CSMD1: variants seen among roughly 807,000 people sequenced by gnomAD.
The protein encoded by CSMD1 is CUB and sushi domain-containing protein 1.
A neutral mutation model predicts 417.5 loss-of-function variants in CSMD1; 213 were observed. The observed-to-expected ratio is 0.51, with a 90% CI of 0.46 to 0.57. The LOEUF (loss-of-function observed/expected upper bound fraction) is 0.57. Among genes scored for constraint, CSMD1 ranks in the 20% least tolerant of loss-of-function variants. The pLI, the probability that CSMD1 is intolerant of heterozygous loss-of-function variation, is 0.00. For missense variants in CSMD1, 6,923 were observed against 4,529.7 expected, an observed-to-expected ratio of 1.53 and a Z score of -15.17; for synonymous variants, 2,862 against 1,736.8, an observed-to-expected ratio of 1.65 and a Z score of -16.11.
chr8:3,413,238 G>A (rs765397403), intron 12 of CSMD1, among the ~76,000 whole-genome samples: 1 of 151,538 alleles, frequency 6.6e-6, no homozygotes, highest in Non-Finnish European at 1.5e-5. Context: ...TTTCTCCTTA[G>A]AGTAAAATAA....
At chr8:4,648,277 A>C (rs1190950325) in intron 1 of CSMD1, among the ~76,000 whole-genome samples, 1 of 151,896 alleles carries the variant, frequency 6.6e-6, no homozygotes, top group Non-Finnish European at 1.5e-5. Context: ...TTTCTTGCTA[A>C]TTTCTTGTAG....
At chr8:3,926,784 C>T (rs1050570184) in intron 5 of CSMD1, among the ~76,000 whole-genome samples, 1 of 136,128 alleles carries the variant, frequency 7.3e-6, no homozygotes, top group Admixed American at 8.1e-5. Flanking sequence ...GTCGTGATCT[C>T]AGCTCACTGC....
At chr8:3,543,903 G>C (rs564235664) in intron 10 of CSMD1, among the ~76,000 whole-genome samples, 215 of 152,266 alleles carry the variant, frequency 1.4e-3, no homozygotes, top group Non-Finnish European at 2.6e-3. Context: ...GGATGTGGAG[G>C]ACCCTGAGAA....
At chr8:3,762,678 CA>C (rs1442067426) in intron 5 of CSMD1, among the ~76,000 whole-genome samples, 1 of 152,148 alleles carries the variant, frequency 6.6e-6, no homozygotes, top group Admixed American at 6.5e-5. Context: ...CACTGGTGCC[CA>C]GAGAAAGAGA....
chr8:2,953,453 CA>C (rs35592012), intron 65 of CSMD1, among the ~76,000 whole-genome samples: 2,240 of 111,672 alleles, frequency 0.02, 40 homozygotes, highest in African/African-American at 0.074. Flanking sequence ...AGCTTATGTC[CA>C]AAAAAAAAAA....
At chr8:3,827,048 T>C (rs971602746) in intron 5 of CSMD1, among the ~76,000 whole-genome samples, 9 of 152,172 alleles carry the variant, frequency 5.9e-5, no homozygotes, top group African/African-American at 2.2e-4. Context: ...TTTTGAAGTG[T>C]TGACATTATA....
intron 5 of CSMD1, among the ~76,000 whole-genome samples, chr8:3,807,846 G>A (rs1246607972): frequency 6.6e-6 from 1 of 152,156 alleles, no homozygotes; most frequent in African/African-American, 2.4e-5. Flanking sequence ...CAAATGGAAT[G>A]ACTGTGCTCC....
At chr8:3,440,941 GATTTT>G (rs1318239522) in intron 12 of CSMD1, among the ~76,000 whole-genome samples, 34 of 152,268 alleles carry the variant, frequency 2.2e-4, no homozygotes, top group Admixed American at 2.0e-3. Context: ...TGGTGACTGT[GATTTT>G]ATTTGGAAAA....
At chr8:3,497,227 A>G (rs1218793006) in intron 10 of CSMD1, among the ~76,000 whole-genome samples, 2 of 152,130 alleles carry the variant, frequency 1.3e-5, no homozygotes, top group African/African-American at 2.4e-5. Context: ...AATCTGTTCC[A>G]TGCTGAGAGT....
intron 1 of CSMD1, among the ~76,000 whole-genome samples, chr8:4,739,532 T>C (rs566089060): frequency 6.6e-6 from 1 of 152,154 alleles, no homozygotes; most frequent in Admixed American, 6.5e-5. Context: ...TGATAATAAC[T>C]TAAAGAAAAT....
intron 10 of CSMD1, among the ~76,000 whole-genome samples, chr8:3,496,288 C>T (rs1006736650): frequency 6.6e-6 from 1 of 152,184 alleles, no homozygotes; most frequent in Admixed American, 6.5e-5. Flanking sequence ...CCCTTCATAA[C>T]ATTCCCTGTG....
intron 5 of CSMD1, among the ~76,000 whole-genome samples, chr8:3,776,147 C>G (rs1220576771): frequency 6.6e-6 from 1 of 152,178 alleles, no homozygotes; most frequent in African/African-American, 2.4e-5. Flanking sequence ...CTCTGCTCAT[C>G]TGCACATCAT....
At chr8:4,289,167 T>C (rs1797222882) in intron 3 of CSMD1, among the ~76,000 whole-genome samples, 1 of 152,188 alleles carries the variant, frequency 6.6e-6, no homozygotes, top group Non-Finnish European at 1.5e-5. Flanking sequence ...AGACAGTGTA[T>C]ATTATATAAC....
intron 49 of CSMD1, among the ~76,000 whole-genome samples, chr8:3,077,057 T>A (rs920054060): frequency 6.6e-6 from 1 of 152,108 alleles, no homozygotes; most frequent in Non-Finnish European, 1.5e-5. Context: ...TATCCATGTG[T>A]GCCCAGGTAT....
At chr8:4,420,658 A>T (rs543873000) in intron 2 of CSMD1, among the ~76,000 whole-genome samples, 1 of 152,274 alleles carries the variant, frequency 6.6e-6, no homozygotes, top group African/African-American at 2.4e-5. Context: ...TTTCAGTTGG[A>T]TTCCAAGCTG....
intron 5 of CSMD1, among the ~76,000 whole-genome samples, chr8:3,800,950 C>T (rs541471208): frequency 6.6e-6 from 1 of 152,050 alleles, no homozygotes; most frequent in South Asian, 2.1e-4. Flanking sequence ...CCCAAATATT[C>T]CTTTTATCAC....
chr8:4,615,210 A>C (rs577021710), intron 2 of CSMD1, among the ~76,000 whole-genome samples: 1 of 152,314 alleles, frequency 6.6e-6, no homozygotes, highest in African/African-American at 2.4e-5. Context: ...AAACAGAAGG[A>C]AATACGTGTG....
intron 5 of CSMD1, among the ~76,000 whole-genome samples, chr8:3,894,343 A>G (rs1449918148): frequency 6.6e-6 from 1 of 152,158 alleles, no homozygotes; most frequent in Non-Finnish European, 1.5e-5. Flanking sequence ...GATTTTTTCT[A>G]TCACGAGGAT....
intron 6 of CSMD1, among the ~76,000 whole-genome samples, chr8:3,752,697 A>G (rs997727778): frequency 8.7e-6 from 1 of 115,076 alleles, no homozygotes. Flanking sequence ...AAAAAAAAAA[A>G]AAAAAAACAT....
Sources: gnomAD v4.1 joint callset for allele counts (sites outside exome capture counted in the v4.1 genomes callset) on GRCh38, gnomAD v4.1.1 for gene constraint, MANE v1.5 for transcripts, NCBI Gene and HGNC (gene_info 2026-07-23, HGNC 2026-07-21) for gene names.